PIK3C2B: variants seen among roughly 807,000 people sequenced by gnomAD.
PIK3C2B encodes phosphatidylinositol-4-phosphate 3-kinase catalytic subunit type 2 beta.
PIK3C2B carries 83 observed loss-of-function variants against 184.3 expected under a neutral mutation model. That is an observed-to-expected ratio of 0.45 (90% CI 0.38 to 0.54). PIK3C2B has a LOEUF of 0.54. Ranked by LOEUF, PIK3C2B falls within the 20% of genes least tolerant of loss-of-function variation. The pLI, the probability that PIK3C2B is intolerant of heterozygous loss-of-function variation, is 0.00. For missense variants in PIK3C2B, 1,736 were observed against 2,113.5 expected, an observed-to-expected ratio of 0.82 and a Z score of 3.50; for synonymous variants, 779 against 837.6, an observed-to-expected ratio of 0.93 and a Z score of 1.21.
Position 204,469,635 on chromosome 1 carries a change from A to G in PIK3C2B, c.168T>C (p.Ser56=). 1 of 1,612,572 alleles carries G rather than the reference A, an allele frequency of 6.2e-7. No homozygotes were observed. The highest frequency in any genetic ancestry group is 2.2e-5 in the East Asian group (1 of 44,844). ...ENRAKQNADP[S]LISWDEPGVD... ...CCCCAGGCTCATCCCAGCTGATGAGAGAGGGGTCTGCGTTCTGCTTGGCTC... is the reference window on the plus strand; with the variant it reads ...CCCCAGGCTCATCCCAGCTGATGAGGGAGGGGTCTGCGTTCTGCTTGGCTC... The change falls in exon 2 of 33, where the codon TCT becomes TCC. Residue 56 remains serine (S), a synonymous_variant. Coordinates refer to ENST00000684373, the MANE Select transcript of PIK3C2B (RefSeq NM_001377334.1).
chr1:204,462,074 G>A (rs1395403644), intron 5 of PIK3C2B, among the ~76,000 whole-genome samples: 2 of 152,154 alleles, frequency 1.3e-5, no homozygotes, highest in Non-Finnish European at 2.9e-5. Context: ...TAGGCCAGGA[G>A]TCATGCACAC....
At chr1:204,428,265 G>T in intron 29 of PIK3C2B, 45 bp from the exon 30 acceptor site, 1 of 1,192,980 alleles carries the variant, frequency 8.4e-7, no homozygotes, top group Non-Finnish European at 1.2e-6. Flanking sequence ...TAAGACAATG[G>T]CCCAATACAA....
At chr1:204,483,609 T>G (rs1657362931) in intron 1 of PIK3C2B, among the ~76,000 whole-genome samples, 1 of 152,270 alleles carries the variant, frequency 6.6e-6, no homozygotes, top group African/African-American at 2.4e-5. Context: ...GTCATGAAGA[T>G]TTTGAAAAAA....
At chr1:204,434,813 A>G (rs1291296049) in intron 23 of PIK3C2B, among the ~76,000 whole-genome samples, 1 of 152,264 alleles carries the variant, frequency 6.6e-6, no homozygotes, top group East Asian at 1.9e-4. Context: ...TGTCTTATGG[A>G]AAAGATGGAG....
chr1:204,461,642 T>A (rs1409609221), intron 5 of PIK3C2B, among the ~76,000 whole-genome samples: 1 of 152,112 alleles, frequency 6.6e-6, no homozygotes. Flanking sequence ...TGAGGGGTTC[T>A]CCACATCCTG....
rs753749710 is a variant in PIK3C2B at position 204,430,027 on chromosome 1, C to T, written c.4292G>A (p.Arg1431His). Residue 1431 changes from arginine (R) to histidine (H), a missense_variant, in exon 29 of 33, where the codon CGC (arginine) becomes CAC (histidine). Transcript: ENST00000684373. Reference protein sequence around the residue: ...PSSHLPSFPSRFVIGRSRGEA... With the variant: ...PSSHLPSFPSHFVIGRSRGEA... ...TCCCCGGGAGCGGCCGATCACGAAG[C>T]GACTAGGGAAGCTGGCGTGGCAGCG... 38 of 1,607,892 alleles carry T rather than the reference C, an allele frequency of 2.4e-5. No individual in the cohort carries two copies. The highest frequency in any genetic ancestry group is 1.6e-4 in the Middle Eastern group (1 of 6,082).
At chr1:204,483,342 A>T (rs1393969496) in intron 1 of PIK3C2B, among the ~76,000 whole-genome samples, 1 of 151,714 alleles carries the variant, frequency 6.6e-6, no homozygotes, top group Admixed American at 6.6e-5. Context: ...CAACTGAGCC[A>T]TGATTGAGAC....
At chr1:204,465,349 CT>C in intron 2 of PIK3C2B, 30 bp from the exon 3 acceptor site, 9 of 1,445,792 alleles carry the variant, frequency 6.2e-6, no homozygotes, top group East Asian at 2.3e-5. Flanking sequence ...GACTCAGTGC[CT>C]TTTTCCTCGT....
rs201425247 is a variant in PIK3C2B, at chr1:204,429,901, G to C, written c.4398+20C>G. The C allele has an allele frequency of 1.3e-6, 2 of 1,494,232 alleles. No homozygotes were observed. Among genetic ancestry groups the C allele is most frequent in the Non-Finnish European group, 1.9e-6 (2 of 1,073,934 alleles). The allele number at this position is 1,494,232 out of a possible 1,614,324, so 92.6% of individuals were successfully genotyped here. ...TCCCCACCAGCCTGGACAGCCAGGA[G>C]GAGAGGCAAGCCCACCCACCTCGGC... On this transcript the variant is annotated intron_variant, in intron 29 of 32. Coordinates refer to ENST00000684373, the MANE Select transcript of PIK3C2B (RefSeq NM_001377334.1).
At chr1:204,473,201 G>C (rs1452515255) in intron 1 of PIK3C2B, among the ~76,000 whole-genome samples, 1 of 152,204 alleles carries the variant, frequency 6.6e-6, no homozygotes, top group Non-Finnish European at 1.5e-5. Flanking sequence ...GCCCTCCCAG[G>C]ACCCTGGTAC....
chr1:204,458,288 C>G (rs1458396330), intron 8 of PIK3C2B, among the ~76,000 whole-genome samples: 1 of 152,150 alleles, frequency 6.6e-6, no homozygotes, highest in Non-Finnish European at 1.5e-5. Flanking sequence ...CCTCACCTGT[C>G]CAGCTCTGAT....
chr1:204,483,187 C>T (rs1206762467), intron 1 of PIK3C2B, among the ~76,000 whole-genome samples: 3 of 152,028 alleles, frequency 2.0e-5, no homozygotes, highest in Non-Finnish European at 1.5e-5. Context: ...TTTGGGAGGC[C>T]AAAGCAGGAC....
At chr1:204,453,934 C>T (rs370602982) in intron 12 of PIK3C2B, among the ~76,000 whole-genome samples, 69 of 151,882 alleles carry the variant, frequency 4.5e-4, no homozygotes, top group African/African-American at 1.6e-3. Flanking sequence ...CCACCATGCC[C>T]GGCTATTTTG....
chr1:204,454,324 T>G (rs3014598), intron 12 of PIK3C2B, among the ~76,000 whole-genome samples: 107,474 of 150,932 alleles, frequency 0.71, 39,835 homozygotes, highest in Non-Finnish European at 0.82. Context: ...CTGCTAAAAA[T>G]ACAAAAAATT....
Position 204,428,159 on chromosome 1 carries a change from C to T in PIK3C2B, c.4460G>A (p.Ser1487Asn). Residue 1487 changes from serine (S) to asparagine (N), a missense_variant, in exon 30 of 33, where the codon AGC becomes AAC. Around this residue, in one of 8 missense-constraint regions of PIK3C2B, gnomAD observed 200 missense variants for 199.1 expected, o/e 1.00. Coordinates refer to ENST00000684373, the MANE Select transcript of PIK3C2B (RefSeq NM_001377334.1). ...LPRDEKAMGT[S>N]PAPKSSDGTW... is the part of the protein sequence containing the mutation. ...TGTACCTGAGGACTTAGGAGCTGGG[C>T]TGGTGCCCATAGCCTTCTCATCCCG... 6.2e-7 allele frequency: 1 copy of T among 1,610,270 alleles called. No homozygotes were observed. Among genetic ancestry groups the T allele is most frequent in the Non-Finnish European group, 8.5e-7 (1 of 1,176,644 alleles).
chr1:204,457,139 G>A, intron 9 of PIK3C2B, 69 bp from the exon 10 acceptor site: 1 of 1,321,140 alleles, frequency 7.6e-7, no homozygotes, highest in Non-Finnish European at 1.1e-6. Context: ...TGGAAGAAGG[G>A]CTTTTCACAG....
At chr1:204,485,041 C>CTTT (rs541322931) in intron 1 of PIK3C2B, among the ~76,000 whole-genome samples, 1 of 138,396 alleles carries the variant, frequency 7.2e-6, no homozygotes. Context: ...GTCTTCCAGT[C>CTTT]TTTTTTTTTT....
intron 7 of PIK3C2B, 114 bp downstream of exon 7, chr1:204,460,210 C>A: frequency 1.2e-6 from 1 of 851,572 alleles, no homozygotes; most frequent in Non-Finnish European, 1.9e-6. Context: ...TGGGCCCCAA[C>A]CCCTGACACC....
At chr1:204,473,631 G>C (rs1376337112) in intron 1 of PIK3C2B, among the ~76,000 whole-genome samples, 1 of 152,196 alleles carries the variant, frequency 6.6e-6, no homozygotes, top group Non-Finnish European at 1.5e-5. Context: ...GACAAGCAGA[G>C]TATTAAGATT....
Sources: allele counts gnomAD v4.1 joint callset (sites outside exome capture counted in the v4.1 genomes callset), GRCh38; gene constraint gnomAD v4.1.1; regional missense constraint gnomAD v4.1.1; transcripts MANE v1.5; gene names NCBI Gene and HGNC (gene_info 2026-07-23, HGNC 2026-07-21).